Variants in PCMTD2 observed in about 807,000 individuals in gnomAD.
PCMTD2 encodes the protein protein-L-isoaspartate O-methyltransferase domain-containing protein 2.
In PCMTD2, 16 loss-of-function variants were observed where a neutral mutation model predicts 33.4. The ratio of observed to expected loss-of-function variants is 0.48; its 90% CI spans 0.32 to 0.73. The LOEUF is 0.73. Ranked by LOEUF, PCMTD2 falls within the 30% of genes least tolerant of loss-of-function variation. The probability of loss-of-function intolerance (pLI) is 0.03; values close to 1 mark genes in which losing one functional copy is unlikely to be tolerated. For synonymous variants in PCMTD2, 161 were observed against 160.8 expected (o/e 1.00, Z -0.01); for missense variants, 374 against 449.9 (o/e 0.83, Z 1.53).
rs748020013 is a variant in PCMTD2 at position 64,260,017 on chromosome 20, T to C, written c.52T>C (p.Leu18=). Residue 18 remains leucine (L), a synonymous_variant, in exon 2 of 6, where the codon TTG becomes CTG. Coordinates refer to ENST00000308824, the MANE Select transcript of PCMTD2 (RefSeq NM_018257.3). ...GEDNDELIDN[L]KEAQYIRTEL... Reference sequence around the variant, plus strand: ...AGACAATGATGAGCTGATAGATAATTTGAAAGAAGCACAGTATATCCGGAC... The same window carrying C: ...AGACAATGATGAGCTGATAGATAATCTGAAAGAAGCACAGTATATCCGGAC... 6.2e-7 allele frequency: 1 copy of C among 1,613,342 alleles called. No homozygotes were observed. The highest frequency in any genetic ancestry group is 8.5e-7 in the Non-Finnish European group (1 of 1,179,306).
chr20:64,276,025 T>A lies in PCMTD2; in HGVS notation c.*2425T>A, dbSNP rs1986081723. On this transcript the variant is annotated 3_prime_UTR_variant, in exon 6 of 6. Coordinates refer to ENST00000308824, the MANE Select transcript of PCMTD2 (RefSeq NM_018257.3). Reference sequence around the variant, plus strand: ...TAAAGGTAGTCAGGATATTTTATCCTTAGCATTGCTTCTGCATCCTGTGTA... The same window carrying A: ...TAAAGGTAGTCAGGATATTTTATCCATAGCATTGCTTCTGCATCCTGTGTA... The A allele has an allele frequency of 6.6e-6, 1 of 152,244 alleles. No individual in the cohort carries two copies. Among genetic ancestry groups the A allele is most frequent in the Non-Finnish European group, 1.5e-5 (1 of 68,030 alleles). 9.4% of individuals were successfully genotyped at this position (152,244 alleles called of 1,614,324 possible). A position where few individuals can be genotyped will look rare whatever the true frequency, so the allele number is the denominator to read the frequency against.
rs530067081 is a variant in PCMTD2 at position 64,275,889 on chromosome 20, G to A, written c.*2289G>A. On this transcript the variant is annotated 3_prime_UTR_variant, in exon 6 of 6. Transcript: ENST00000308824. ...AGTTTATAGATATTAAGTTTGTAAT[G>A]TGAGCATCAAATGTGTATGTAAAAA... The A allele has an allele frequency of 3.9e-5, 6 of 152,300 alleles. No homozygotes were observed. The East Asian group carries it at 1.2e-3, about 29-fold the overall frequency. 9.4% of individuals were successfully genotyped at this position (152,300 alleles called of 1,614,324 possible). A position where few individuals can be genotyped will look rare whatever the true frequency, so the allele number is the denominator to read the frequency against.
chr20:64,258,099 A>G (rs927178359), intron 1 of PCMTD2, among the ~76,000 whole-genome samples: 2 of 152,250 alleles, frequency 1.3e-5, no homozygotes, highest in African/African-American at 4.8e-5. Flanking sequence ...ACAATGTTGG[A>G]ACATTATATA....
chr20:64,268,112 A>G, intron 5 of PCMTD2, 102 bp downstream of exon 5: 1 of 675,974 alleles, frequency 1.5e-6, no homozygotes, highest in Non-Finnish European at 2.3e-6. Flanking sequence ...GATATTAAAA[A>G]GCACCACTCC....
chr20:64,268,725 CAA>C (rs71197474), intron 5 of PCMTD2, among the ~76,000 whole-genome samples: 35,935 of 136,770 alleles, frequency 0.26, 5,017 homozygotes, highest in African/African-American at 0.42. Flanking sequence ...CATAGTCTTA[CAA>C]AAAAAAAAAA....
At chr20:64,270,205 G>C (rs1395578629) in intron 5 of PCMTD2, among the ~76,000 whole-genome samples, 2 of 146,464 alleles carry the variant, frequency 1.4e-5, no homozygotes, top group African/African-American at 2.5e-5. Context: ...TCGTGAGTGC[G>C]GGCGTGCGTG....
Position 64,273,415 on chromosome 20 carries a change from C to T in PCMTD2, c.901C>T (p.Arg301Trp), listed in dbSNP as rs1190212474. The change falls in exon 6 of 6, where the codon CGG becomes TGG. Residue 301 changes from arginine to tryptophan, a missense_variant. Physicochemically the swap from Arg to Trp is moderately radical, Grantham distance 101. Coordinates refer to ENST00000308824, the MANE Select transcript of PCMTD2 (RefSeq NM_018257.3). ...VFLDKEVFAS[R>W]ISNPSDDNSC... The stretch of plus-strand genomic sequence containing the variant: ...TTTGGACAAAGAAGTCTTTGCCAGT[C>T]GGATTTCCAACCCCTCAGATGACAA... The T allele has an allele frequency of 3.1e-6, 5 of 1,613,958 alleles. No homozygotes were observed. Among genetic ancestry groups the T allele is most frequent in the Middle Eastern group, 1.7e-4 (1 of 6,058 alleles).
rs529041950 is a variant in PCMTD2 at position 64,273,138 on chromosome 20, G to T, written c.707-83G>T. On this transcript the variant is annotated intron_variant, in intron 5 of 5. Coordinates refer to ENST00000308824, the MANE Select transcript of PCMTD2 (RefSeq NM_018257.3). The stretch of plus-strand genomic sequence containing the variant: ...CATAAATTTGCCAGTTAATTGAAAT[G>T]ATGCTACGGGTCTTAGGTGTGTAGG... The T allele has an allele frequency of 1.0e-5, 12 of 1,158,688 alleles. No individual in the cohort carries two copies. The South Asian group carries it at 1.5e-4, about 15-fold the overall frequency. The allele number at this position is 1,158,688 out of a possible 1,614,324, so 71.8% of individuals were successfully genotyped here. A position where few individuals can be genotyped will look rare whatever the true frequency, so the allele number is the denominator to read the frequency against.
At chr20:64,264,604 G>A in intron 3 of PCMTD2, 73 bp downstream of exon 3, 2 of 773,618 alleles carry the variant, frequency 2.6e-6, no homozygotes, top group Middle Eastern at 4.5e-4. Flanking sequence ...CAGATAGAAA[G>A]AAATCATGTG....
chr20:64,264,009 TTTATC>T (rs959473100), intron 2 of PCMTD2, among the ~76,000 whole-genome samples: 205 of 152,350 alleles, frequency 1.3e-3, no homozygotes, highest in African/African-American at 4.8e-3. Flanking sequence ...GAAGCATAGT[TTTATC>T]TTAATGATGA....
At chr20:64,266,407 G>A (rs1384680791) in intron 4 of PCMTD2, among the ~76,000 whole-genome samples, 1 of 152,138 alleles carries the variant, frequency 6.6e-6, no homozygotes, top group Non-Finnish European at 1.5e-5. Flanking sequence ...ACAGGTGCGT[G>A]CCACCACACC....
chr20:64,272,324 G>T, intron 5 of PCMTD2: 1 of 289,492 alleles, frequency 3.5e-6, no homozygotes, highest in South Asian at 3.0e-5. Flanking sequence ...AAGTGATGCT[G>T]ATTTTCAGTT....
In PCMTD2 at chr20:64,273,550, C is replaced by T; in HGVS notation, c.1036C>T (p.Pro346Ser). ...CCTACGCCAGAAGGTCCTGAGCCTCCCTCTGCCAGATCCCCTGAAATACTA... is the reference window on the plus strand; with the variant it reads ...CCTACGCCAGAAGGTCCTGAGCCTCTCTCTGCCAGATCCCCTGAAATACTA... ...NFLRQKVLSL[P>S]LPDPLKYYLL... Residue 346 changes from proline to serine, a missense_variant, in exon 6 of 6, where the codon CCT becomes TCT. Coordinates refer to ENST00000308824, the MANE Select transcript of PCMTD2 (RefSeq NM_018257.3). 6.5e-7 allele frequency: 1 copy of T among 1,540,954 alleles called. No homozygotes were observed. The highest frequency in any genetic ancestry group is 8.7e-7 in the Non-Finnish European group (1 of 1,149,546).
In PCMTD2 at chr20:64,275,600, T is replaced by C. The variant is rs2145773034; in HGVS notation, c.*2000T>C. 1 of 152,340 alleles carries C rather than the reference T, an allele frequency of 6.6e-6. No homozygotes were observed. Among genetic ancestry groups the C allele is most frequent in the Non-Finnish European group, 1.5e-5 (1 of 68,016 alleles). The allele number at this position is 152,340 out of a possible 1,614,324, so 9.4% of individuals were successfully genotyped here. A position where few individuals can be genotyped will look rare whatever the true frequency, so the allele number is the denominator to read the frequency against. On this transcript the variant is annotated 3_prime_UTR_variant, in exon 6 of 6. Transcript: ENST00000308824. ...GTTTAAAAAAAATCTGGTGGTAATA[T>C]ATGTGAGAAATACTTTGGTGTTTAC...
rs932880426 is a variant in PCMTD2, at chr20:64,273,654, C to G, written c.*54C>G. On this transcript the variant is annotated 3_prime_UTR_variant, in exon 6 of 6. Coordinates refer to ENST00000308824, the MANE Select transcript of PCMTD2 (RefSeq NM_018257.3). ...AGAGCAGATTGCTGAGTGTGAAGTT[C>G]GTGCTGCCTGTGTGCTGTTGAAGGG... 1.4e-6 allele frequency: 2 copies of G among 1,474,456 alleles called. No homozygotes were observed. Among genetic ancestry groups the G allele is most frequent in the South Asian group, 1.4e-5 (1 of 70,614 alleles). The allele number at this position is 1,474,456 out of a possible 1,614,324, so 91.3% of individuals were successfully genotyped here. A position where few individuals can be genotyped will look rare whatever the true frequency, so the allele number is the denominator to read the frequency against.
In PCMTD2 at chr20:64,255,797, C is replaced by G. The variant is rs914586563; in HGVS notation, c.-98C>G. 1.2e-5 allele frequency: 2 copies of G among 168,274 alleles called. No homozygotes were observed. Among genetic ancestry groups the G allele is most frequent in the African/African-American group, 4.9e-5 (2 of 40,908 alleles). The allele number at this position is 168,274 out of a possible 1,614,324, so 10.4% of individuals were successfully genotyped here. On this transcript the variant is annotated 5_prime_UTR_variant, in exon 1 of 6. Coordinates refer to ENST00000308824, the MANE Select transcript of PCMTD2 (RefSeq NM_018257.3). The stretch of plus-strand genomic sequence containing the variant: ...GAGCGGCGCTGCTCGGCCGCGGACA[C>G]ACGAGGGACGCGCCCGAGGAGCTGC...
intron 2 of PCMTD2, 95 bp from the exon 3 acceptor site, chr20:64,264,332 CAT>C (rs1162630750): frequency 8.9e-6 from 6 of 676,540 alleles, no homozygotes; most frequent in Admixed American, 2.4e-5. Context: ...TGTAGTTACA[CAT>C]GTTAAGTCAG....
At chr20:64,265,503 T>A (rs763718051) in intron 4 of PCMTD2, 74 bp downstream of exon 4, 1 of 1,148,664 alleles carries the variant, frequency 8.7e-7, no homozygotes, top group Non-Finnish European at 1.2e-6. Flanking sequence ...TACGGATACT[T>A]ACTCTTTTAA....
At position 64,272,935 on chromosome 20, in the gene PCMTD2, T is replaced by C. The variant is rs187817806; in HGVS notation, c.707-286T>C. Among the ~76,000 whole-genome samples the C allele has an allele frequency of 1.3e-3, 196 of 152,328 alleles. 1 individual carries two copies. Among genetic ancestry groups the C allele is most frequent in the Non-Finnish European group, 2.0e-3 (134 of 68,014 alleles). ...ACTGGGCTGTGTCAGGAAGACAAAT[T>C]GTGACCCAGGTGTTGATTCCACCAC... On this transcript the variant is annotated intron_variant, in intron 5 of 5. Transcript: ENST00000308824.
Sources: gnomAD v4.1 joint callset for allele counts (sites outside exome capture counted in the v4.1 genomes callset) on GRCh38, gnomAD v4.1.1 for gene constraint, MANE v1.5 for transcripts, NCBI Gene and HGNC (gene_info 2026-07-23, HGNC 2026-07-21) for gene names.